The following HYDIN variants were observed in gnomAD, a reference collection of about 807,000 sequenced individuals.
The protein encoded by HYDIN is HYDIN axonemal central pair apparatus protein, also known as axonemal central pair apparatus protein HYDIN.
A neutral mutation model predicts 403.9 loss-of-function variants in HYDIN; 132 were observed. That is an observed-to-expected ratio of 0.33 (90% confidence interval 0.28 to 0.38). The LOEUF (loss-of-function observed/expected upper bound fraction) is 0.38. HYDIN is among the 10% of genes least tolerant of loss of function. The pLI is 1.00. For missense variants in HYDIN, 2,827 were observed against 5,009.5 expected, an observed-to-expected ratio of 0.56 and a Z score of 13.15; for synonymous variants, 1,202 against 1,891.7, an observed-to-expected ratio of 0.64 and a Z score of 9.46.
chr16:70,824,686 C>T (rs1022181508), intron 83 of HYDIN, among the ~76,000 whole-genome samples: 38 of 150,436 alleles, frequency 2.5e-4, no homozygotes, highest in African/African-American at 8.8e-4. Flanking sequence ...GTCTTGAACT[C>T]CTAACCTCAA....
chr16:71,164,146 A>G (rs1597921162), intron 5 of HYDIN, among the ~76,000 whole-genome samples: 2 of 137,552 alleles, frequency 1.5e-5, no homozygotes, highest in South Asian at 5.1e-4. Context: ...TCATTTTCTC[A>G]TCCTTTTATT....
chr16:71,108,779 TA>T (rs2083711194), intron 10 of HYDIN, among the ~76,000 whole-genome samples: 2 of 151,790 alleles, frequency 1.3e-5, no homozygotes, highest in Admixed American at 1.3e-4. Flanking sequence ...CTCACTGGGC[TA>T]AAATCAACAT....
chr16:71,204,748 T>C (rs2088202917), intron 1 of HYDIN, among the ~76,000 whole-genome samples: 1 of 152,226 alleles, frequency 6.6e-6, no homozygotes, highest in African/African-American at 2.4e-5. Flanking sequence ...CTTAGTGTGC[T>C]GCTTTCACAG....
At position 70,809,960 on chromosome 16, in the gene HYDIN, G is replaced by T; in HGVS notation, c.14706C>A (p.Phe4902Leu). The change falls in exon 85 of 86, where the codon TTC (phenylalanine) becomes TTA (leucine). Residue 4902 changes from phenylalanine (F) to leucine (L), a missense_variant. By Grantham distance (22) the Phe-to-Leu change is conservative. Transcript: ENST00000393567. The stretch of plus-strand genomic sequence containing the variant: ...CAGTGTTGTGCAAAGTTAGTCTTCC[G>T]AAGGTTTCTCCAGCTTTCAGGGGCT... Reference protein sequence around the residue: ...EFQPLKAGETFGRLTLHNTDL... With the variant: ...EFQPLKAGETLGRLTLHNTDL... The T allele has an allele frequency of 6.2e-7, 1 of 1,614,140 alleles. No individual in the cohort carries two copies. The highest frequency in any genetic ancestry group is 8.5e-7 in the Non-Finnish European group (1 of 1,180,002).
intron 1 of HYDIN, among the ~76,000 whole-genome samples, chr16:71,205,046 T>G (rs9937783): frequency 0.098 from 14,880 of 152,188 alleles, 2,406 homozygotes; most frequent in African/African-American, 0.34. Flanking sequence ...AACACCATAG[T>G]CACTTTTGCC....
chr16:70,879,578 A>T (rs1248002412), intron 61 of HYDIN, 27 bp downstream of exon 61: 52 of 1,612,008 alleles, frequency 3.2e-5, no homozygotes, highest in Admixed American at 2.3e-4. Flanking sequence ...GCTGCAGGAG[A>T]GGGAGCTGGG....
chr16:71,222,354 A>G (rs2040841065), intron 1 of HYDIN, among the ~76,000 whole-genome samples: 1 of 152,302 alleles, frequency 6.6e-6, no homozygotes, highest in Admixed American at 6.5e-5. Flanking sequence ...TAAAAGCCAT[A>G]TACGACAAAC....
At chr16:71,153,052 A>C (rs1479478672) in intron 6 of HYDIN, among the ~76,000 whole-genome samples, 6 of 152,238 alleles carry the variant, frequency 3.9e-5, no homozygotes, top group Non-Finnish European at 8.8e-5. Flanking sequence ...CCCTGCTTTT[A>C]ACATTCATTG....
At chr16:71,222,320 T>C (rs568303947) in intron 1 of HYDIN, among the ~76,000 whole-genome samples, 10 of 152,196 alleles carry the variant, frequency 6.6e-5, no homozygotes, top group African/African-American at 2.4e-4. Context: ...AAAATAAGCA[T>C]AGAAGGGACT....
At chr16:71,064,861 C>T in intron 15 of HYDIN, 21 bp from the exon 16 acceptor site, 1 of 1,605,118 alleles carries the variant, frequency 6.2e-7, no homozygotes, top group South Asian at 1.1e-5. Flanking sequence ...GAGCCCATCA[C>T]ACAATTCAAA....
At chr16:70,940,712 G>A (rs1211480315) in intron 43 of HYDIN, among the ~76,000 whole-genome samples, 1 of 152,056 alleles carries the variant, frequency 6.6e-6, no homozygotes, top group Non-Finnish European at 1.5e-5. Context: ...TTTTTCTCAG[G>A]ATGAGACTAT....
Position 70,804,274 on chromosome 16 carries a change from G to A in HYDIN, c.*3306C>T, listed in dbSNP as rs549006145. Among the ~76,000 whole-genome samples, 2 of 152,306 alleles carry A rather than the reference G, an allele frequency of 1.3e-5. No individual in the cohort carries two copies. The highest frequency in any genetic ancestry group is 3.9e-4 in the East Asian group (2 of 5,186). ...GGAGGATTTGGACCCTAGACTCAGT[G>A]GTGTTATAGGACCAACACGTTTGTG... On this transcript the variant is annotated 3_prime_UTR_variant, in exon 86 of 86. Coordinates refer to ENST00000393567, the MANE Select transcript of HYDIN (RefSeq NM_001270974.2).
intron 9 of HYDIN, among the ~76,000 whole-genome samples, chr16:71,120,548 T>A (rs971064867): frequency 5.4e-4 from 81 of 149,272 alleles, no homozygotes; most frequent in African/African-American, 1.9e-3. Flanking sequence ...GAGAAAGGTG[T>A]CATTTAAAAG....
intron 14 of HYDIN, among the ~76,000 whole-genome samples, chr16:71,068,704 T>C (rs1013441235): frequency 2.0e-5 from 3 of 152,192 alleles, no homozygotes; most frequent in Non-Finnish European, 4.4e-5. Flanking sequence ...ACTATCCTGA[T>C]TGCAGACAAA....
intron 84 of HYDIN, among the ~76,000 whole-genome samples, chr16:70,813,024 C>T (rs1173532795): frequency 2.6e-5 from 4 of 151,430 alleles, no homozygotes; most frequent in African/African-American, 9.7e-5. Context: ...GCCATCTCGG[C>T]TCACTGCAAT....
chr16:71,093,660 G>A (rs2083183214), intron 11 of HYDIN, 157 bp downstream of exon 11: 1 of 463,934 alleles, frequency 2.2e-6, no homozygotes, highest in Non-Finnish European at 3.6e-6. Context: ...CAGGCAGGAG[G>A]AGGAAGAATC....
At chr16:71,073,838 C>G (rs902750090) in intron 13 of HYDIN, among the ~76,000 whole-genome samples, 3 of 152,138 alleles carry the variant, frequency 2.0e-5, no homozygotes, top group Non-Finnish European at 4.4e-5. Flanking sequence ...ATTCTATTAT[C>G]TGACTCTCTC....
intron 21 of HYDIN, among the ~76,000 whole-genome samples, chr16:71,021,427 C>T (rs1308681558): frequency 1.3e-5 from 2 of 151,826 alleles, no homozygotes; most frequent in Non-Finnish European, 2.9e-5. Flanking sequence ...ATGTTGGCCA[C>T]GATGGTCTTG....
chr16:71,198,005 C>T (rs1292649654), intron 1 of HYDIN, among the ~76,000 whole-genome samples: 1 of 152,242 alleles, frequency 6.6e-6, no homozygotes, highest in African/African-American at 2.4e-5. Flanking sequence ...CCTCAGTCTC[C>T]CAAAGTGCTG....
Sources: gnomAD v4.1 joint callset for allele counts (sites outside exome capture counted in the v4.1 genomes callset) on GRCh38, gnomAD v4.1.1 for gene constraint, MANE v1.5 for transcripts, NCBI Gene and HGNC (gene_info 2026-07-23, HGNC 2026-07-21) for gene names.